IGF1R: variants seen among roughly 807,000 people sequenced by gnomAD.
IGF1R encodes insulin-like growth factor 1 receptor.
A neutral mutation model predicts 144.6 loss-of-function variants in IGF1R; 44 were observed. The ratio of observed to expected loss-of-function variants is 0.30; its 90% CI spans 0.24 to 0.39. The LOEUF (loss-of-function observed/expected upper bound fraction) is 0.39. Among genes scored for constraint, IGF1R ranks in the 10% least tolerant of loss-of-function variants. The pLI, the probability that IGF1R is intolerant of heterozygous loss-of-function variation, is 1.00. For synonymous variants in IGF1R, 795 were observed against 722.8 expected, an observed-to-expected ratio of 1.10 and a Z score of -1.60; for missense variants, 1,355 against 1,833.7, an observed-to-expected ratio of 0.74 and a Z score of 4.77.
chr15:98,673,452 C>G (rs1348855676), intron 1 of IGF1R, among the ~76,000 whole-genome samples: 1 of 151,054 alleles, frequency 6.6e-6, no homozygotes, highest in Non-Finnish European at 1.5e-5. Context: ...TCTGGAGGCT[C>G]TCTCAATAAT....
chr15:98,656,879 T>C (rs1194887369), intron 1 of IGF1R, among the ~76,000 whole-genome samples: 1 of 152,274 alleles, frequency 6.6e-6, no homozygotes, highest in African/African-American at 2.4e-5. Flanking sequence ...TCAACCATTT[T>C]CTTTTTAACA....
In IGF1R at chr15:98,795,403, TTTTTGTTTTG is replaced by T. The variant is rs56344805; in HGVS notation, c.640+87317_640+87326del. Among the ~76,000 whole-genome samples, 1,350 of 151,476 alleles carry T rather than the reference TTTTTGTTTTG, an allele frequency of 8.9e-3. 16 individuals are homozygous for T. Among genetic ancestry groups the T allele is most frequent in the Non-Finnish European group, 9.5e-3 (645 of 67,900 alleles). ...GCATTATTATGTGTTTCTTTCTTGT[TTTTTGTTTTG>T]TTTTGTTTTGTTTTGTTTTGAGATG... is the stretch of plus-strand genomic sequence containing the variant. On this transcript the variant is annotated intron_variant, in intron 2 of 20. Coordinates refer to ENST00000650285, the MANE Select transcript of IGF1R (RefSeq NM_000875.5).
chr15:98,665,473 C>T (rs984905850), intron 1 of IGF1R, among the ~76,000 whole-genome samples: 2 of 152,080 alleles, frequency 1.3e-5, no homozygotes, highest in African/African-American at 4.8e-5. Context: ...TGTCCCTTCG[C>T]CCTTCAGTCT....
In IGF1R at chr15:98,753,668, A is replaced by G. The variant is rs78258222; in HGVS notation, c.640+45561A>G. On this transcript the variant is annotated intron_variant, in intron 2 of 20. Coordinates refer to ENST00000650285, the MANE Select transcript of IGF1R (RefSeq NM_000875.5). ...TTTGACTCATTTCATTTAGCTTTTA[A>G]TGTTATCATCTGGGAGGAGATGGTG... Among the ~76,000 whole-genome samples the G allele has an allele frequency of 9.6e-3, 1,466 of 152,218 alleles. 19 individuals carry two copies. The highest frequency in any genetic ancestry group is 0.034 in the African/African-American group (1,396 of 41,524).
intron 2 of IGF1R, among the ~76,000 whole-genome samples, chr15:98,726,451 T>C (rs1367050029): frequency 6.6e-6 from 1 of 152,174 alleles, no homozygotes; most frequent in Non-Finnish European, 1.5e-5. Flanking sequence ...TTTGGAGTTT[T>C]TGTCCACATC....
At chr15:98,895,553 TC>T (rs2014152881) in intron 3 of IGF1R, among the ~76,000 whole-genome samples, 1 of 152,116 alleles carries the variant, frequency 6.6e-6, no homozygotes, top group African/African-American at 2.4e-5. Flanking sequence ...GGAAGGACTC[TC>T]CCCATCTGTG....
chr15:98,734,525 G>T (rs1042006227), intron 2 of IGF1R, among the ~76,000 whole-genome samples: 1 of 152,126 alleles, frequency 6.6e-6, no homozygotes, highest in Non-Finnish European at 1.5e-5. Flanking sequence ...CATTAACTTC[G>T]CAGTAAAGTC....
chr15:98,904,003 T>C (rs1281345276), intron 5 of IGF1R, among the ~76,000 whole-genome samples: 7 of 151,846 alleles, frequency 4.6e-5, no homozygotes, highest in Admixed American at 3.3e-4. Context: ...GTGGTGATGG[T>C]TGGACAGTTG....
At chr15:98,841,738 G>T (rs1186698724) in intron 2 of IGF1R, among the ~76,000 whole-genome samples, 3 of 152,224 alleles carry the variant, frequency 2.0e-5, no homozygotes, top group African/African-American at 7.2e-5. Context: ...CACCATGAAT[G>T]GGAGTTTGTT....
chr15:98,961,900 C>G lies in IGF1R; in HGVS notation c.*4458C>G, dbSNP rs2654981. ...GATGCGGAGTCACATTTCAATGGTA[C>G]GAAAAGTGGCTTCGTAAAATAGAAG... On this transcript the variant is annotated 3_prime_UTR_variant, in exon 21 of 21. Coordinates refer to ENST00000650285, the MANE Select transcript of IGF1R (RefSeq NM_000875.5). 0.45 allele frequency: 105,929 copies of G among 233,094 alleles called. 24,571 individuals carry two copies. Among genetic ancestry groups the G allele is most frequent in the East Asian group, 0.53 (8,867 of 16,582 alleles). The allele number at this position is 233,094 out of a possible 1,614,324, so 14.4% of individuals were successfully genotyped here.
At chr15:98,934,799 G>C in intron 15 of IGF1R, 25 bp from the exon 16 acceptor site, 1 of 1,599,300 alleles carries the variant, frequency 6.3e-7, no homozygotes, top group Non-Finnish European at 8.6e-7. Flanking sequence ...TTCTGTACCT[G>C]CTTTAATTAC....
rs2052299808 is a variant in IGF1R at position 98,649,687 on chromosome 15, C to T, written c.94+12C>T. The T allele has an allele frequency of 1.9e-6, 3 of 1,594,164 alleles. No homozygotes were observed. Among genetic ancestry groups the T allele is most frequent in the Non-Finnish European group, 1.7e-6 (2 of 1,164,354 alleles). ...GACGAGTGGAGAAAGTGAGTATGTG[C>T]CCGCCGCCCGCGGCCACTGCGGGAA... On this transcript the variant is annotated intron_variant, in intron 1 of 20. Transcript: ENST00000650285.
chr15:98,809,131 G>T (rs1233088175), intron 2 of IGF1R, among the ~76,000 whole-genome samples: 1 of 152,166 alleles, frequency 6.6e-6, no homozygotes, highest in Non-Finnish European at 1.5e-5. Flanking sequence ...TATATTCCAG[G>T]ACTCTGTCTG....
rs892732537 is a variant in IGF1R at position 98,707,531 on chromosome 15, C to A, written c.95-31C>A. ...TAGTTTAAAAATTATTTCCTTCTAA[C>A]TGAGACGTTTACCCTCTTGTCTCCC... On this transcript the variant is annotated intron_variant, in intron 1 of 20. Coordinates refer to ENST00000650285, the MANE Select transcript of IGF1R (RefSeq NM_000875.5). This position sits in a 1 kb window ranked among gnomAD's most constrained non-coding sequence, Gnocchi z 6.7. The A allele has an allele frequency of 1.9e-6, 3 of 1,606,708 alleles. No homozygotes were observed. Among genetic ancestry groups the A allele is most frequent in the Non-Finnish European group, 2.6e-6 (3 of 1,173,524 alleles).
intron 2 of IGF1R, among the ~76,000 whole-genome samples, chr15:98,733,488 G>GT (rs112182962): frequency 0.63 from 93,594 of 147,934 alleles, 29,576 homozygotes; most frequent in Non-Finnish European, 0.66. Context: ...GGCTGAGAAG[G>GT]TTTTTTTTTT....
rs529910275 is a variant in IGF1R, at chr15:98,655,596, A to G, written c.94+5921A>G. 5.9e-5 allele frequency among the ~76,000 whole-genome samples: 9 copies of G among 152,264 alleles called. No homozygotes were observed. The East Asian group carries it at 1.7e-3, about 29-fold the overall frequency. On this transcript the variant is annotated intron_variant, in intron 1 of 20. Transcript: ENST00000650285. The stretch of plus-strand genomic sequence containing the variant: ...TGATACTGTAAAATGTCTTACCATA[A>G]GTTTTTAAAGATACCCGTCAAACTA...
intron 2 of IGF1R, among the ~76,000 whole-genome samples, chr15:98,726,025 C>G (rs1406474765): frequency 6.6e-6 from 1 of 152,188 alleles, no homozygotes; most frequent in Admixed American, 6.5e-5. Context: ...GGGACACAGC[C>G]AAATCATATC....
intron 1 of IGF1R, among the ~76,000 whole-genome samples, chr15:98,701,324 ATTTTTTTTTTTTTTTTT>A (rs10581900): frequency 2.6e-4 from 19 of 73,016 alleles, no homozygotes; most frequent in East Asian, 8.6e-4. Context: ...AGCCTATCTC[ATTTTTTTTTTTTTTTTT>A]TTTTTTTTTT....
chr15:98,961,886 A>G lies in IGF1R; in HGVS notation c.*4444A>G. The G allele has an allele frequency of 4.3e-6, 1 of 233,344 alleles. No individual in the cohort carries two copies. Among genetic ancestry groups the G allele is most frequent in the Non-Finnish European group, 8.5e-6 (1 of 118,076 alleles). 14.5% of individuals were successfully genotyped at this position (233,344 alleles called of 1,614,324 possible). A position where few individuals can be genotyped will look rare whatever the true frequency, so the allele number is the denominator to read the frequency against. On this transcript the variant is annotated 3_prime_UTR_variant, in exon 21 of 21. Transcript: ENST00000650285. ...GGCCTGTTTCTTAAGATGCGGAGTC[A>G]CATTTCAATGGTACGAAAAGTGGCT...
Sources: gnomAD v4.1 joint callset for allele counts (sites outside exome capture counted in the v4.1 genomes callset) on GRCh38, gnomAD v4.1.1 for gene constraint, Gnocchi (gnomAD v3.1) non-coding constraint, MANE v1.5 for transcripts, NCBI Gene and HGNC (gene_info 2026-07-23, HGNC 2026-07-21) for gene names.